DNAH3: variants seen among roughly 807,000 people sequenced by gnomAD.
The protein encoded by DNAH3 is dynein axonemal heavy chain 3, also known as axonemal beta dynein heavy chain 3.
DNAH3 carries 332 observed loss-of-function variants against 432.5 expected under a neutral mutation model. That is an observed-to-expected ratio of 0.77 (90% CI 0.70 to 0.84). DNAH3 has a LOEUF of 0.84. Among genes scored for constraint, DNAH3 ranks in the 40% least tolerant of loss-of-function variants. The probability of loss-of-function intolerance (pLI) is 0.00; values close to 1 mark genes in which losing one functional copy is unlikely to be tolerated. For missense variants in DNAH3, 4,861 were observed against 5,114.0 expected (o/e 0.95, Z 1.51); for synonymous variants, 1,956 against 1,900.2 (o/e 1.03, Z -0.76).
intron 11 of DNAH3, chr16:21,120,656 T>G (rs763948160): frequency 9.5e-7 from 1 of 1,051,702 alleles, no homozygotes; most frequent in East Asian, 2.4e-5. Flanking sequence ...TCATTGGTAT[T>G]CACATAGGCC....
At chr16:20,981,061 A>G (rs1033800598) in intron 49 of DNAH3, among the ~76,000 whole-genome samples, 1 of 152,212 alleles carries the variant, frequency 6.6e-6, no homozygotes, top group Non-Finnish European at 1.5e-5. Flanking sequence ...TTAAATAACA[A>G]GAGTGGGCAG....
At chr16:21,104,437 T>C in intron 16 of DNAH3, 34 bp downstream of exon 16, 5 of 1,591,746 alleles carry the variant, frequency 3.1e-6, no homozygotes, top group Non-Finnish European at 4.3e-6. Context: ...AAGTCAGGTC[T>C]CATTTCCAAG....
At chr16:21,144,385 G>T (rs956114115) in intron 3 of DNAH3, among the ~76,000 whole-genome samples, 2 of 152,162 alleles carry the variant, frequency 1.3e-5, no homozygotes, top group Admixed American at 6.5e-5. Flanking sequence ...GTTGTGAGTT[G>T]TTCTAAGGGA....
intron 1 of DNAH3, among the ~76,000 whole-genome samples, chr16:21,155,018 C>T (rs531886769): frequency 1.4e-5 from 2 of 147,150 alleles, no homozygotes; most frequent in East Asian, 2.0e-4. Flanking sequence ...GGTATGATCT[C>T]GGCTCACTGT....
rs2152758930 is a variant in DNAH3, at chr16:21,067,420, C to A, written c.3382-1G>T. 1 of 1,613,586 alleles carries A rather than the reference C, an allele frequency of 6.2e-7. No individual in the cohort carries two copies. Among genetic ancestry groups the A allele is most frequent in the East Asian group, 2.2e-5 (1 of 44,848 alleles). On this transcript the variant is annotated splice_acceptor_variant, in intron 23 of 61. Transcript: ENST00000261383. LOFTEE classifies it high-confidence loss of function. ...CCACCAGAATCCTGTTATCTTTCACCTGGGTTCCATCAAAAAAAGTGAGAC... is the reference window on the plus strand; with the variant it reads ...CCACCAGAATCCTGTTATCTTTCACATGGGTTCCATCAAAAAAAGTGAGAC...
chr16:21,141,483 A>G (rs2092718520), intron 3 of DNAH3, 111 bp from the exon 5 acceptor site: 4 of 746,838 alleles, frequency 5.4e-6, no homozygotes, highest in South Asian at 3.5e-5. Context: ...AGGGGAGCGG[A>G]CATGGTACGG....
At chr16:21,145,144 G>T in intron 3 of DNAH3, 37 bp downstream of exon 4, 1 of 1,513,254 alleles carries the variant, frequency 6.6e-7, no homozygotes, top group Non-Finnish European at 9.1e-7. Context: ...TTCCTCCAAA[G>T]CCCCATTCTG....
intron 24 of DNAH3, 107 bp from the exon 25 acceptor site, chr16:21,062,790 T>C (rs1001964029): frequency 1.4e-5 from 11 of 786,506 alleles, no homozygotes; most frequent in East Asian, 2.7e-5. Flanking sequence ...ATACCAGTTA[T>C]GTCTTGCGGT....
chr16:21,018,174 A>G (rs545978572), intron 41 of DNAH3, among the ~76,000 whole-genome samples: 25 of 152,310 alleles, frequency 1.6e-4, no homozygotes, highest in African/African-American at 6.0e-4. Context: ...GCAAATGCAC[A>G]TATTTGTGTA....
chr16:20,947,036 G>C (rs2084079963), intron 57 of DNAH3, among the ~76,000 whole-genome samples: 2 of 151,744 alleles, frequency 1.3e-5, no homozygotes, highest in Non-Finnish European at 2.9e-5. Flanking sequence ...CATTGGCCAG[G>C]CTGGTCTCAA....
At chr16:20,982,816 C>T (rs2085973378) in exon 49 of DNAH3, 14 of 1,614,118 alleles carry the variant, frequency 8.7e-6, no homozygotes, top group South Asian at 3.3e-5. Context: ...ACCAATCAAT[C>T]GTACAGCAAT....
chr16:21,115,537 T>C (rs1469000438), intron 12 of DNAH3, among the ~76,000 whole-genome samples: 3 of 151,654 alleles, frequency 2.0e-5, no homozygotes, highest in African/African-American at 7.3e-5. Flanking sequence ...TGAAACCTTG[T>C]GTCTACTAAA....
exon 28 of DNAH3, chr16:21,054,502 C>T (rs748188536): frequency 1.1e-5 from 17 of 1,614,076 alleles, no homozygotes; most frequent in East Asian, 4.5e-5. Context: ...GGACAATCTG[C>T]GCAATCTGAT....
chr16:21,095,718 G>A (rs1331866895), intron 18 of DNAH3, among the ~76,000 whole-genome samples: 5 of 152,116 alleles, frequency 3.3e-5, no homozygotes, highest in Non-Finnish European at 7.4e-5. Flanking sequence ...AATGTAAAAT[G>A]TTTTTAAAAT....
intron 6 of DNAH3, 92 bp from the exon 8 acceptor site, chr16:21,134,546 C>CG: frequency 8.2e-7 from 1 of 1,218,060 alleles, no homozygotes. Flanking sequence ...AATATAGAGA[C>CG]GGGGTCTCAC....
intron 56 of DNAH3, among the ~76,000 whole-genome samples, chr16:20,951,317 C>T (rs2084297596): frequency 6.6e-6 from 1 of 151,942 alleles, no homozygotes; most frequent in South Asian, 2.1e-4. Context: ...TACTCACCCC[C>T]AAAACCCATC....
chr16:21,145,102 A>T, intron 3 of DNAH3, 79 bp downstream of exon 4: 1 of 1,246,840 alleles, frequency 8.0e-7, no homozygotes, highest in Non-Finnish European at 1.1e-6. Context: ...ACAGAGTGAG[A>T]CTCCATCTAA....
exon 60 of DNAH3, chr16:20,936,742 T>G (rs753354830): frequency 2.5e-6 from 4 of 1,611,650 alleles, no homozygotes. Context: ...TGGCTGGCAC[T>G]TTACCCACAA....
chr16:21,048,683 G>A (rs1409943142), intron 31 of DNAH3, among the ~76,000 whole-genome samples: 1 of 151,580 alleles, frequency 6.6e-6, no homozygotes, highest in Non-Finnish European at 1.5e-5. Flanking sequence ...GTTCCTATTC[G>A]GCCATCTTGG....
Sources: allele counts gnomAD v4.1 joint callset (sites outside exome capture counted in the v4.1 genomes callset), GRCh38; gene constraint gnomAD v4.1.1; transcripts MANE v1.5; gene names NCBI Gene and HGNC (gene_info 2026-07-23, HGNC 2026-07-21).